The following GSG1L variants were observed in gnomAD, a reference collection of about 807,000 sequenced individuals.
GSG1L encodes germ cell-specific gene 1-like protein.
GSG1L carries 24 observed loss-of-function variants against 42.1 expected under a neutral mutation model. The ratio of observed to expected loss-of-function variants is 0.57; its 90% CI spans 0.41 to 0.80. GSG1L has a LOEUF of 0.80. Ranked by LOEUF, GSG1L falls within the 30% of genes least tolerant of loss-of-function variation. The pLI is 0.00. For synonymous variants in GSG1L, 215 were observed against 203.5 expected, an observed-to-expected ratio of 1.06 and a Z score of -0.48; for missense variants, 445 against 472.2, an observed-to-expected ratio of 0.94 and a Z score of 0.53.
At chr16:27,826,538 C>A (rs1227447765) in intron 5 of GSG1L, among the ~76,000 whole-genome samples, 1 of 152,116 alleles carries the variant, frequency 6.6e-6, no homozygotes, top group East Asian at 1.9e-4. Flanking sequence ...GGGAGGCGGT[C>A]CCAGGAACTA....
intron 3 of GSG1L, among the ~76,000 whole-genome samples, chr16:27,861,729 CT>C (rs1476373096): frequency 6.6e-6 from 1 of 152,178 alleles, no homozygotes; most frequent in Non-Finnish European, 1.5e-5. Flanking sequence ...AAGCATATTC[CT>C]GACCCAGGGC....
chr16:28,007,646 G>T (rs1418137483), intron 1 of GSG1L, among the ~76,000 whole-genome samples: 1 of 151,996 alleles, frequency 6.6e-6, no homozygotes, highest in African/African-American at 2.4e-5. Context: ...CTGAGTATCT[G>T]GGACCACAGG....
intron 3 of GSG1L, among the ~76,000 whole-genome samples, chr16:27,845,935 C>T (rs1260844979): frequency 6.6e-6 from 1 of 151,592 alleles, no homozygotes; most frequent in Non-Finnish European, 1.5e-5. Flanking sequence ...AAGAGTCTCG[C>T]TCTGTCACCC....
chr16:27,904,177 C>T (rs1315435880), intron 2 of GSG1L, among the ~76,000 whole-genome samples: 3 of 152,158 alleles, frequency 2.0e-5, no homozygotes, highest in African/African-American at 7.2e-5. Flanking sequence ...AAGCAATCCT[C>T]TCCTACCTCA....
intron 1 of GSG1L, among the ~76,000 whole-genome samples, chr16:28,001,291 C>T (rs915042498): frequency 2.6e-5 from 4 of 152,186 alleles, no homozygotes; most frequent in Non-Finnish European, 5.9e-5. Context: ...ACAGCCAACG[C>T]CAGCCTGGGT....
At chr16:27,874,441 C>CTTT (rs71140916) in intron 3 of GSG1L, among the ~76,000 whole-genome samples, 10,068 of 92,892 alleles carry the variant, frequency 0.11, 2,257 homozygotes, top group Non-Finnish European at 0.16. Flanking sequence ...ACAGGAGAGC[C>CTTT]TTTTTTTTTT....
At chr16:27,853,988 G>A (rs918274969) in intron 3 of GSG1L, among the ~76,000 whole-genome samples, 4 of 152,070 alleles carry the variant, frequency 2.6e-5, no homozygotes, top group Admixed American at 2.6e-4. Flanking sequence ...CATGACCTCA[G>A]GGCACAGCTG....
intron 1 of GSG1L, among the ~76,000 whole-genome samples, chr16:27,964,119 C>G (rs900786190): frequency 6.6e-6 from 1 of 152,044 alleles, no homozygotes; most frequent in Non-Finnish European, 1.5e-5. Flanking sequence ...ATCATGAGGT[C>G]AAGAGATGGA....
chr16:28,029,474 G>T (rs1246348815), intron 1 of GSG1L, among the ~76,000 whole-genome samples: 3 of 152,144 alleles, frequency 2.0e-5, no homozygotes, highest in Admixed American at 6.6e-5. Context: ...TAGATGGATG[G>T]ATTATGAATG....
At chr16:28,034,060 A>T (rs1026728501) in intron 1 of GSG1L, among the ~76,000 whole-genome samples, 22 of 152,178 alleles carry the variant, frequency 1.4e-4, no homozygotes, top group African/African-American at 5.1e-4. Context: ...GACTCATCCC[A>T]TCCCATCCCA....
intron 1 of GSG1L, among the ~76,000 whole-genome samples, chr16:27,983,033 G>A (rs2085341680): frequency 6.6e-6 from 1 of 152,138 alleles, no homozygotes; most frequent in Non-Finnish European, 1.5e-5. Flanking sequence ...TACATGAGCA[G>A]GAAACAAACT....
intron 3 of GSG1L, among the ~76,000 whole-genome samples, chr16:27,869,240 CAGA>C (rs1424941692): frequency 6.6e-6 from 1 of 151,446 alleles, no homozygotes; most frequent in Non-Finnish European, 1.5e-5. Context: ...GTGGAGAGAA[CAGA>C]AGAAGGAGGG....
intron 1 of GSG1L, among the ~76,000 whole-genome samples, chr16:27,995,428 A>T (rs992038639): frequency 2.6e-5 from 4 of 152,190 alleles, no homozygotes; most frequent in African/African-American, 9.6e-5. Flanking sequence ...ACAACTGGAG[A>T]TATTGTAGTT....
intron 1 of GSG1L, among the ~76,000 whole-genome samples, chr16:27,973,159 A>C (rs1165970295): frequency 6.6e-6 from 1 of 152,150 alleles, no homozygotes; most frequent in Non-Finnish European, 1.5e-5. Flanking sequence ...GAAAAAAGTA[A>C]GTGCTTAGGG....
At chr16:27,961,832 G>A (rs2085075814) in intron 2 of GSG1L, among the ~76,000 whole-genome samples, 1 of 152,154 alleles carries the variant, frequency 6.6e-6, no homozygotes, top group African/African-American at 2.4e-5. Flanking sequence ...GGCTGCTGGG[G>A]GGTAGGGAGT....
intron 1 of GSG1L, among the ~76,000 whole-genome samples, chr16:28,015,973 A>G (rs1726142341): frequency 6.6e-6 from 1 of 152,150 alleles, no homozygotes; most frequent in Admixed American, 6.5e-5. Context: ...GGCAAAGGCT[A>G]CACTTTCAAT....
intron 5 of GSG1L, among the ~76,000 whole-genome samples, chr16:27,810,968 G>A (rs2083024256): frequency 6.6e-6 from 1 of 152,136 alleles, no homozygotes; most frequent in Non-Finnish European, 1.5e-5. Flanking sequence ...AATTACAGGT[G>A]TGAACCACCA....
At chr16:28,011,160 G>A (rs1159483148) in intron 1 of GSG1L, among the ~76,000 whole-genome samples, 2 of 152,252 alleles carry the variant, frequency 1.3e-5, no homozygotes, top group Non-Finnish European at 2.9e-5. Context: ...TTTAGAGGCA[G>A]AGGCAGTTGT....
intron 1 of GSG1L, among the ~76,000 whole-genome samples, chr16:27,989,667 G>C (rs1226099537): frequency 6.6e-6 from 1 of 151,504 alleles, no homozygotes; most frequent in Non-Finnish European, 1.5e-5. Context: ...TTGAACCCAG[G>C]ATGCAGAGGT....
Sources: allele counts gnomAD v4.1 joint callset (sites outside exome capture counted in the v4.1 genomes callset), GRCh38; gene constraint gnomAD v4.1.1; transcripts MANE v1.5; gene names NCBI Gene and HGNC (gene_info 2026-07-23, HGNC 2026-07-21).